Variants in FCHSD2 observed in about 807,000 individuals in gnomAD.
FCHSD2 encodes F-BAR and double SH3 domains protein 2.
In FCHSD2, 38 loss-of-function variants were observed where a neutral mutation model predicts 108.1. That is an observed-to-expected ratio of 0.35 (90% CI 0.27 to 0.46). The LOEUF (loss-of-function observed/expected upper bound fraction) is 0.46. FCHSD2 is among the 20% of genes least tolerant of loss of function. The pLI is 1.00. For missense variants in FCHSD2, 751 were observed against 897.8 expected, an observed-to-expected ratio of 0.84 and a Z score of 2.09; for synonymous variants, 279 against 314.7, an observed-to-expected ratio of 0.89 and a Z score of 1.20.
chr11:72,907,273 C>T (rs1415798275), intron 9 of FCHSD2, among the ~76,000 whole-genome samples: 1 of 152,164 alleles, frequency 6.6e-6, no homozygotes, highest in African/African-American at 2.4e-5. Flanking sequence ...ATCATGTCAT[C>T]TGCAAAAAGA....
At chr11:73,080,897 C>G (rs1219380112) in intron 3 of FCHSD2, among the ~76,000 whole-genome samples, 1 of 151,856 alleles carries the variant, frequency 6.6e-6, no homozygotes, top group Admixed American at 6.6e-5. Flanking sequence ...TGAGCCAAGA[C>G]TGTACTACTG....
chr11:73,033,287 CAAA>C (rs34802040), intron 3 of FCHSD2, among the ~76,000 whole-genome samples: 1 of 114,144 alleles, frequency 8.8e-6, no homozygotes. Flanking sequence ...GATTCCGACT[CAAA>C]AAAAAAAAAA....
chr11:72,892,907 A>AG (rs1565309336), intron 10 of FCHSD2, among the ~76,000 whole-genome samples: 2 of 2,138 alleles, frequency 9.4e-4, no homozygotes, highest in Non-Finnish European at 3.5e-3. Flanking sequence ...CGTGGCTGGT[A>AG]ATTTTTTTTT....
intron 3 of FCHSD2, among the ~76,000 whole-genome samples, chr11:73,025,513 G>A (rs912711142): frequency 6.6e-6 from 1 of 152,038 alleles, no homozygotes; most frequent in Non-Finnish European, 1.5e-5. Context: ...GGAGGAGGGA[G>A]ATAATGAGAA....
intron 8 of FCHSD2, among the ~76,000 whole-genome samples, chr11:72,947,040 G>A (rs1415728045): frequency 2.6e-5 from 4 of 152,198 alleles, no homozygotes; most frequent in Non-Finnish European, 4.4e-5. Context: ...CAGGCCCCAG[G>A]TGAGATTCAG....
intron 8 of FCHSD2, among the ~76,000 whole-genome samples, chr11:72,980,683 A>G (rs1162844938): frequency 2.7e-5 from 4 of 148,606 alleles, no homozygotes; most frequent in African/African-American, 9.9e-5. Flanking sequence ...GTGTATATAT[A>G]TATATATATA....
intron 4 of FCHSD2, among the ~76,000 whole-genome samples, chr11:73,013,039 TTAAAG>T (rs1477357496): frequency 6.6e-6 from 1 of 152,170 alleles, no homozygotes; most frequent in African/African-American, 2.4e-5. Context: ...TACACTATCA[TTAAAG>T]TAAAGATGAT....
At chr11:72,983,305 A>T (rs187374852) in intron 8 of FCHSD2, among the ~76,000 whole-genome samples, 5,456 of 151,424 alleles carry the variant, frequency 0.036, 217 homozygotes, top group African/African-American at 0.098. Flanking sequence ...AAAAAAAAAA[A>T]AAATAAATAA....
At chr11:73,061,709 TG>T (rs1410833939) in intron 3 of FCHSD2, among the ~76,000 whole-genome samples, 2 of 152,094 alleles carry the variant, frequency 1.3e-5, no homozygotes, top group African/African-American at 4.8e-5. Context: ...AAGTTCGAAC[TG>T]GGTGGAGCCC....
At position 73,141,862 on chromosome 11, in the gene FCHSD2, T is replaced by G. The variant is rs1313426812; in HGVS notation, c.16A>C (p.Arg6=). Residue 6 remains arginine, a synonymous_variant, in exon 1 of 20, where the codon AGG becomes CGG. Transcript: ENST00000409418. The part of the protein sequence containing the change: MQPPP[R]KVKVTQELKN... ...CCCCCCAGCTGCGCCCTTACCTTCC[T>G]CGGCGGCGGCTGCATGATGCTGAAG... The G allele has an allele frequency of 5.2e-6, 8 of 1,545,086 alleles. No homozygotes were observed. In the East Asian group the frequency reaches 2.0e-4, roughly 38 times the overall value.
chr11:72,962,606 T>TG (rs1205338080), intron 8 of FCHSD2, among the ~76,000 whole-genome samples: 2 of 151,786 alleles, frequency 1.3e-5, no homozygotes, highest in African/African-American at 4.8e-5. Flanking sequence ...TCCCCCTTTT[T>TG]TTTTTAAACT....
intron 3 of FCHSD2, among the ~76,000 whole-genome samples, chr11:73,039,517 C>CA (rs398115498): frequency 0.47 from 66,173 of 139,416 alleles, 15,495 homozygotes; most frequent in South Asian, 0.67. Flanking sequence ...ACTCCGTCTC[C>CA]AAAAAAAAAA....
chr11:72,887,859 T>C (rs1855230852), intron 11 of FCHSD2, among the ~76,000 whole-genome samples: 1 of 152,116 alleles, frequency 6.6e-6, no homozygotes, highest in African/African-American at 2.4e-5. Context: ...ATACTCAGAT[T>C]AGTGAGAGAT....
At chr11:73,130,117 G>GC (rs1860961147) in intron 2 of FCHSD2, among the ~76,000 whole-genome samples, 1 of 151,884 alleles carries the variant, frequency 6.6e-6, no homozygotes, top group Non-Finnish European at 1.5e-5. Flanking sequence ...CTCGTGATCC[G>GC]CCCGCCTTGG....
chr11:73,075,590 C>T (rs536462267), intron 3 of FCHSD2, among the ~76,000 whole-genome samples: 6 of 152,190 alleles, frequency 3.9e-5, no homozygotes, highest in South Asian at 4.1e-4. Context: ...CCAAGGAGGA[C>T]GGATCACTTG....
At chr11:72,952,122 T>C (rs1591429804) in intron 8 of FCHSD2, among the ~76,000 whole-genome samples, 1 of 152,164 alleles carries the variant, frequency 6.6e-6, no homozygotes, top group South Asian at 2.1e-4. Flanking sequence ...ATGAGTTTAA[T>C]GCTTGGAAAC....
chr11:72,902,655 A>G lies in FCHSD2; in HGVS notation c.829-17T>C, dbSNP rs1465226254. 6.7e-7 allele frequency: 1 copy of G among 1,490,932 alleles called. No homozygotes were observed. The highest frequency in any genetic ancestry group is 9.2e-7 in the Non-Finnish European group (1 of 1,092,416). The allele number at this position is 1,490,932 out of a possible 1,614,324, so 92.4% of individuals were successfully genotyped here. A position where few individuals can be genotyped will look rare whatever the true frequency, so the allele number is the denominator to read the frequency against. On this transcript the variant is annotated splice_polypyrimidine_tract_variant and intron_variant, in intron 9 of 19. Transcript: ENST00000409418. ...CCGGACCACCTAAAGAGAAAATAAA[A>G]TATCTTTAGGTCTTTAATGAGGTTA...
At chr11:73,046,157 A>AT (rs1286537270) in intron 3 of FCHSD2, among the ~76,000 whole-genome samples, 1 of 151,920 alleles carries the variant, frequency 6.6e-6, no homozygotes, top group Non-Finnish European at 1.5e-5. Context: ...TGCCATGCTG[A>AT]TTTTTTAATG....
At chr11:73,058,868 T>C (rs1591520906) in intron 3 of FCHSD2, among the ~76,000 whole-genome samples, 1 of 152,142 alleles carries the variant, frequency 6.6e-6, no homozygotes, top group African/African-American at 2.4e-5. Context: ...CCACCTAGAC[T>C]TTCATTTTCT....
Sources: gnomAD v4.1 joint callset for allele counts (sites outside exome capture counted in the v4.1 genomes callset) on GRCh38, gnomAD v4.1.1 for gene constraint, MANE v1.5 for transcripts, NCBI Gene and HGNC (gene_info 2026-07-23, HGNC 2026-07-21) for gene names.